The following OTUD7B variants were observed in gnomAD, a reference collection of about 807,000 sequenced individuals.
OTUD7B encodes OTU deubiquitinase 7B.
OTUD7B carries 34 observed loss-of-function variants against 82.2 expected under a neutral mutation model. The ratio of observed to expected loss-of-function variants is 0.41; its 90% CI spans 0.31 to 0.55. The LOEUF (loss-of-function observed/expected upper bound fraction) is 0.55. Ranked by LOEUF, OTUD7B falls within the 20% of genes least tolerant of loss-of-function variation. The pLI is 0.20. For synonymous variants in OTUD7B, 398 were observed against 402.7 expected, an observed-to-expected ratio of 0.99 and a Z score of 0.14; for missense variants, 944 against 1,062.1, an observed-to-expected ratio of 0.89 and a Z score of 1.55.
At chr1:149,965,717 G>C (rs1380335728) in intron 5 of OTUD7B, 60 bp downstream of exon 5, 2 of 1,210,792 alleles carry the variant, frequency 1.7e-6, no homozygotes, top group Non-Finnish European at 2.4e-6. Context: ...TCCTACACAT[G>C]AGATTTGACT....
At chr1:149,992,459 G>T (rs797023275) in intron 1 of OTUD7B, among the ~76,000 whole-genome samples, 20 of 125,330 alleles carry the variant, frequency 1.6e-4, no homozygotes, top group African/African-American at 5.5e-4. Flanking sequence ...ATTGTTTTGT[G>T]TGCATGTGTT....
the OTUD7B span, chr1:150,067,315 GT>G: frequency 6.5e-6 from 1 of 152,932 alleles, no homozygotes; most frequent in African/African-American, 2.4e-5. Flanking sequence ...CTCGACCACT[GT>G]TTCGCAAATA....
chr1:150,006,866 G>C (rs868947758), intron 1 of OTUD7B, among the ~76,000 whole-genome samples: 2 of 152,188 alleles, frequency 1.3e-5, no homozygotes, highest in African/African-American at 4.8e-5. Context: ...AGGTTAGGAT[G>C]GTACAGAAAA....
At chr1:150,013,391 A>G (rs1341356227), upstream of OTUD7B, among the ~76,000 whole-genome samples, 1 of 152,314 alleles carries the variant, frequency 6.6e-6, no homozygotes, top group East Asian at 1.9e-4. Context: ...AGTTGGGGAA[A>G]ATGTTCAGAG....
Position 149,943,694 on chromosome 1 carries a change from C to A in OTUD7B, c.*163G>T. The A allele has an allele frequency of 1.4e-6, 1 of 735,576 alleles. No individual in the cohort carries two copies. Among genetic ancestry groups the A allele is most frequent in the East Asian group, 2.6e-5 (1 of 39,084 alleles). The allele number at this position is 735,576 out of a possible 1,614,324, so 45.6% of individuals were successfully genotyped here. A position where few individuals can be genotyped will look rare whatever the true frequency, so the allele number is the denominator to read the frequency against. On this transcript the variant is annotated 3_prime_UTR_variant, in exon 12 of 12. Transcript: ENST00000581312. Reference sequence around the variant, plus strand: ...GCCATCCAGCCCCGACCTGCTCTTGCCAGCCTGGCAGCACTCCTGTGTGCA... The same window carrying A: ...GCCATCCAGCCCCGACCTGCTCTTGACAGCCTGGCAGCACTCCTGTGTGCA...
intron 9 of OTUD7B, 91 bp from the exon 10 acceptor site, chr1:149,949,174 C>A: frequency 1.3e-6 from 1 of 764,082 alleles, no homozygotes; most frequent in South Asian, 1.7e-5. Flanking sequence ...ATACTAAGGT[C>A]TTTAATTGTA....
At chr1:150,046,351 C>T in the OTUD7B span, among the ~76,000 whole-genome samples, 1 of 152,046 alleles carries the variant, frequency 6.6e-6, no homozygotes, top group Non-Finnish European at 1.5e-5. Flanking sequence ...TGTAAAGCCT[C>T]CTAACTAACC....
upstream of OTUD7B, among the ~76,000 whole-genome samples, chr1:150,014,067 T>C (rs1470050234): frequency 1.8e-4 from 5 of 28,540 alleles, no homozygotes; most frequent in African/African-American, 6.3e-4. Flanking sequence ...TATGTGTGTG[T>C]GTGTGTGTGT....
intron 7 of OTUD7B, among the ~76,000 whole-genome samples, chr1:149,952,512 A>G (rs1439405071): frequency 6.6e-6 from 1 of 152,184 alleles, no homozygotes; most frequent in Non-Finnish European, 1.5e-5. Context: ...ATACACATAC[A>G]TGTGCATATG....
chr1:149,975,831 G>A (rs1354858431), intron 2 of OTUD7B, among the ~76,000 whole-genome samples: 1 of 152,016 alleles, frequency 6.6e-6, no homozygotes, highest in Admixed American at 6.6e-5. Context: ...AACCAGCCTG[G>A]CCAGCATTGT....
At chr1:150,016,559 TCTC>T in the OTUD7B span, among the ~76,000 whole-genome samples, 8 of 151,458 alleles carry the variant, frequency 5.3e-5, no homozygotes, top group East Asian at 1.6e-3. Flanking sequence ...GGTTCAAACT[TCTC>T]CTGCCCCAGC....
intron 6 of OTUD7B, chr1:149,961,898 T>A (rs1387471637): frequency 6.6e-6 from 1 of 152,180 alleles, no homozygotes; most frequent in East Asian, 1.9e-4. Flanking sequence ...TATATAATGA[T>A]AAGGGAAATA....
intron 1 of OTUD7B, among the ~76,000 whole-genome samples, chr1:149,993,536 G>A (rs1651738036): frequency 6.6e-6 from 1 of 152,100 alleles, no homozygotes; most frequent in Admixed American, 6.6e-5. Context: ...AATTTTAAAA[G>A]GTGAGAGGCT....
chr1:149,985,870 G>A (rs1651099344), intron 1 of OTUD7B, among the ~76,000 whole-genome samples: 1 of 151,960 alleles, frequency 6.6e-6, no homozygotes, highest in Non-Finnish European at 1.5e-5. Context: ...AGTGTACTAT[G>A]TGCTTCAAAT....
At chr1:150,067,338 T>A in the OTUD7B span, 2 of 153,342 alleles carry the variant, frequency 1.3e-5, no homozygotes, top group African/African-American at 2.4e-5. Flanking sequence ...CGCGTGTGAT[T>A]TATTAAATGC....
chr1:150,013,973 CAT>C (rs1260260377), upstream of OTUD7B, among the ~76,000 whole-genome samples: 46 of 128,308 alleles, frequency 3.6e-4, no homozygotes, highest in African/African-American at 5.9e-4. Flanking sequence ...CACACACACA[CAT>C]ATATATACAC....
chr1:150,022,600 A>T, the OTUD7B span, among the ~76,000 whole-genome samples: 1 of 151,952 alleles, frequency 6.6e-6, no homozygotes, highest in Admixed American at 6.6e-5. Context: ...CTGGGAGCTC[A>T]TTGGAAATGC....
chr1:149,990,729 C>T lies in OTUD7B; in HGVS notation c.-66-13153G>A, dbSNP rs368040082. ...ACAAAGCTTAGGCCAGGTGCGGTGG[C>T]GCATGCCTGTAATTCCAGCACTTTG... On this transcript the variant is annotated intron_variant, in intron 1 of 11. Coordinates refer to ENST00000581312, the MANE Select transcript of OTUD7B (RefSeq NM_020205.4). Among the ~76,000 whole-genome samples the T allele has an allele frequency of 1.2e-3, 187 of 152,222 alleles. 1 individual carries two copies. The highest frequency in any genetic ancestry group is 4.0e-3 in the African/African-American group (168 of 41,530).
chr1:150,027,813 T>C, the OTUD7B span, among the ~76,000 whole-genome samples: 16 of 151,970 alleles, frequency 1.1e-4, no homozygotes, highest in Non-Finnish European at 2.1e-4. Context: ...TTATATTCTA[T>C]TCTATTTTAT....
Sources: gnomAD v4.1 joint callset for allele counts (sites outside exome capture counted in the v4.1 genomes callset) on GRCh38, gnomAD v4.1.1 for gene constraint, MANE v1.5 for transcripts, NCBI Gene and HGNC (gene_info 2026-07-23, HGNC 2026-07-21) for gene names.